Variants in ADAMTSL1 observed in about 807,000 individuals in gnomAD.
ADAMTSL1 encodes the protein ADAMTS-like protein 1.
In ADAMTSL1, 126 loss-of-function variants were observed where a neutral mutation model predicts 201.8. The observed-to-expected ratio is 0.62, with a 90% CI of 0.54 to 0.72. The LOEUF (loss-of-function observed/expected upper bound fraction) is 0.72. Among genes scored for constraint, ADAMTSL1 ranks in the 30% least tolerant of loss-of-function variants. The probability of loss-of-function intolerance (pLI) is 0.00; values close to 1 mark genes in which losing one functional copy is unlikely to be tolerated. For synonymous variants in ADAMTSL1, 1,121 were observed against 903.4 expected, an observed-to-expected ratio of 1.24 and a Z score of -4.32; for missense variants, 2,679 against 2,277.8, an observed-to-expected ratio of 1.18 and a Z score of -3.59.
chr9:18,346,214 C>A (rs2132994737), intron 2 of ADAMTSL1, among the ~76,000 whole-genome samples: 1 of 152,270 alleles, frequency 6.6e-6, no homozygotes, highest in African/African-American at 2.4e-5. Context: ...CCTAGTGTTA[C>A]CCCCACTTTG....
chr9:18,091,016 T>C (rs1463155564), intron 1 of ADAMTSL1, among the ~76,000 whole-genome samples: 1 of 152,110 alleles, frequency 6.6e-6, no homozygotes, highest in East Asian at 1.9e-4. Flanking sequence ...TAAGCTTTTC[T>C]CTCCAACTTG....
intron 3 of ADAMTSL1, among the ~76,000 whole-genome samples, chr9:18,537,333 CA>C (rs1819836843): frequency 6.6e-6 from 1 of 152,124 alleles, no homozygotes; most frequent in African/African-American, 2.4e-5. Context: ...ACTTGAATAA[CA>C]AGAAGAAAAC....
chr9:18,286,827 C>T (rs904804935), intron 2 of ADAMTSL1, among the ~76,000 whole-genome samples: 11 of 152,144 alleles, frequency 7.2e-5, no homozygotes, highest in African/African-American at 2.4e-4. Flanking sequence ...GACTAATTCA[C>T]AGATTTTGTG....
At chr9:18,864,213 T>A (rs1827372595) in intron 23 of ADAMTSL1, among the ~76,000 whole-genome samples, 1 of 152,238 alleles carries the variant, frequency 6.6e-6, no homozygotes, top group Non-Finnish European at 1.5e-5. Flanking sequence ...TTCAGTCCAT[T>A]TACAGCTTTT....
At chr9:18,653,193 C>G (rs1828404382) in intron 7 of ADAMTSL1, among the ~76,000 whole-genome samples, 1 of 152,210 alleles carries the variant, frequency 6.6e-6, no homozygotes, top group African/African-American at 2.4e-5. Context: ...GGTTCCTCAT[C>G]TTTCTTTCAC....
At chr9:18,532,853 A>G (rs1819527719) in intron 2 of ADAMTSL1, among the ~76,000 whole-genome samples, 1 of 151,836 alleles carries the variant, frequency 6.6e-6, no homozygotes, top group Non-Finnish European at 1.5e-5. Flanking sequence ...TATTAATTCC[A>G]TTAATTCCAA....
intron 13 of ADAMTSL1, among the ~76,000 whole-genome samples, chr9:18,692,975 A>G (rs1349587213): frequency 6.6e-6 from 1 of 152,222 alleles, no homozygotes; most frequent in African/African-American, 2.4e-5. Flanking sequence ...CTCACTTTTC[A>G]TTTCTGAAAG....
At chr9:18,571,881 A>G (rs914920465) in intron 3 of ADAMTSL1, among the ~76,000 whole-genome samples, 1 of 152,150 alleles carries the variant, frequency 6.6e-6, no homozygotes, top group African/African-American at 2.4e-5. Flanking sequence ...GTCTGAAAGG[A>G]GCTTGTGTTA....
At chr9:18,187,618 C>G (rs111947828) in intron 2 of ADAMTSL1, among the ~76,000 whole-genome samples, 78 of 151,968 alleles carry the variant, frequency 5.1e-4, no homozygotes, top group African/African-American at 1.8e-3. Context: ...TTTGGGTACA[C>G]AAGAAAAGTT....
At chr9:18,734,589 AC>A (rs1237883906) in intron 15 of ADAMTSL1, among the ~76,000 whole-genome samples, 3 of 152,176 alleles carry the variant, frequency 2.0e-5, no homozygotes, top group South Asian at 2.1e-4. Flanking sequence ...AAACCAGTAT[AC>A]AAACAGTTAC....
intron 23 of ADAMTSL1, among the ~76,000 whole-genome samples, chr9:18,855,759 C>T (rs764185343): frequency 5.3e-5 from 8 of 152,144 alleles, no homozygotes; most frequent in Non-Finnish European, 7.4e-5. Flanking sequence ...GCTCCCTGTA[C>T]ATTTTGTTTC....
chr9:18,253,987 A>T (rs1425809120), intron 2 of ADAMTSL1, among the ~76,000 whole-genome samples: 1 of 152,136 alleles, frequency 6.6e-6, no homozygotes. Flanking sequence ...TCACGTGCTG[A>T]CCCATCTGTG....
At chr9:18,630,123 A>G (rs749455659) in intron 5 of ADAMTSL1, among the ~76,000 whole-genome samples, 13 of 152,120 alleles carry the variant, frequency 8.5e-5, no homozygotes, top group Non-Finnish European at 1.3e-4. Context: ...CAGTTAAGTT[A>G]CTGAAATCAG....
chr9:18,677,397 A>G (rs1056025384), intron 10 of ADAMTSL1, among the ~76,000 whole-genome samples: 2 of 152,076 alleles, frequency 1.3e-5, no homozygotes, highest in African/African-American at 4.8e-5. Context: ...AGTAATGAAA[A>G]TAGCAAATGA....
chr9:18,645,002 C>A (rs1344730379), intron 7 of ADAMTSL1, among the ~76,000 whole-genome samples: 1 of 152,042 alleles, frequency 6.6e-6, no homozygotes, highest in Non-Finnish European at 1.5e-5. Flanking sequence ...ACAGTCCCAC[C>A]AACAGTGTAA....
intron 2 of ADAMTSL1, among the ~76,000 whole-genome samples, chr9:18,510,876 C>G (rs1012496635): frequency 6.6e-6 from 1 of 152,076 alleles, no homozygotes; most frequent in Admixed American, 6.5e-5. Context: ...GTTCTTCACC[C>G]CCCTACTAAA....
At chr9:18,024,407 C>G (rs944779009) in intron 1 of ADAMTSL1, among the ~76,000 whole-genome samples, 1 of 152,006 alleles carries the variant, frequency 6.6e-6, no homozygotes, top group Non-Finnish European at 1.5e-5. Flanking sequence ...TCATCCCTTA[C>G]TCACCTCCCT....
chr9:18,457,198 T>C (rs1820637757), intron 2 of ADAMTSL1, among the ~76,000 whole-genome samples: 1 of 152,164 alleles, frequency 6.6e-6, no homozygotes, highest in Non-Finnish European at 1.5e-5. Flanking sequence ...GTTGAGATAT[T>C]ACTTTAAAAA....
chr9:18,762,413 A>C (rs1268578172), intron 16 of ADAMTSL1, among the ~76,000 whole-genome samples: 2 of 152,166 alleles, frequency 1.3e-5, no homozygotes, highest in Admixed American at 1.3e-4. Context: ...GGTACATGAG[A>C]TGTTTTGATA....
Sources: gnomAD v4.1 joint callset for allele counts (sites outside exome capture counted in the v4.1 genomes callset) on GRCh38, gnomAD v4.1.1 for gene constraint, MANE v1.5 for transcripts, NCBI Gene and HGNC (gene_info 2026-07-23, HGNC 2026-07-21) for gene names.